FAHD2A: variants seen among roughly 807,000 people sequenced by gnomAD.
The protein encoded by FAHD2A is oxaloacetate tautomerase FAHD2A, mitochondrial.
FAHD2A carries 27 observed loss-of-function variants against 33.4 expected under a neutral mutation model. The ratio of observed to expected loss-of-function variants is 0.81; its 90% confidence interval spans 0.60 to 1.11. FAHD2A has a LOEUF of 1.11. Ranked by LOEUF, FAHD2A falls within the 50% of genes most tolerant of loss-of-function variation. FAHD2A has a pLI of 0.00. For missense variants in FAHD2A, 296 were observed against 395.0 expected (o/e 0.75, Z 2.12); for synonymous variants, 130 against 153.3 (o/e 0.85, Z 1.12).
intron 3 of FAHD2A, 137 bp from the exon 4 acceptor site, chr2:95,410,390 G>A (rs1480037656): frequency 8.6e-6 from 10 of 1,159,168 alleles, no homozygotes; most frequent in African/African-American, 1.5e-5. Context: ...GCTCTGGTTC[G>A]TGGTGATGGC....
chr2:95,408,689 G>A (rs1682011003), intron 3 of FAHD2A, among the ~76,000 whole-genome samples: 1 of 152,184 alleles, frequency 6.6e-6, no homozygotes, highest in African/African-American at 2.4e-5. Flanking sequence ...ATCTCCCACC[G>A]GGTCCGTCCC....
intron 3 of FAHD2A, among the ~76,000 whole-genome samples, chr2:95,408,251 G>A (rs139500460): frequency 1.8e-4 from 27 of 151,976 alleles, no homozygotes; most frequent in African/African-American, 6.0e-4. Flanking sequence ...ATTCCCAATC[G>A]GAAGTACTGC....
At chr2:95,417,683 A>C (rs1010310559), downstream of FAHD2A, among the ~76,000 whole-genome samples, 2 of 152,060 alleles carry the variant, frequency 1.3e-5, no homozygotes, top group African/African-American at 4.8e-5. Flanking sequence ...CATGGTCAGG[A>C]GCATGATGAG....
Position 95,410,891 on chromosome 2 carries a change from G to A in FAHD2A, c.550G>A (p.Gly184Ser), listed in dbSNP as rs780676808. ...KATDAMAHVAGFTVAHDVSAR... is the reference protein window; with the variant it reads ...KATDAMAHVASFTVAHDVSAR... ...CACAGATGCTATGGCCCACGTGGCC[G>A]GCTTCACTGTGGCTCATGACGTGAG... Residue 184 changes from glycine (G) to serine (S), a missense_variant, in exon 5 of 8, where the codon GGC (glycine) becomes AGC (serine). Transcript: ENST00000233379. The A allele has an allele frequency of 1.9e-5, 30 of 1,613,964 alleles. No individual in the cohort carries two copies. The highest frequency in any genetic ancestry group is 4.5e-5 in the East Asian group (2 of 44,882).
At position 95,415,430 on chromosome 2, in the gene FAHD2A, A is replaced by C. The variant is rs1007444921; in HGVS notation, c.*2473A>C. On this transcript the variant is annotated 3_prime_UTR_variant, in exon 8 of 8. Transcript: ENST00000233379. ...GAAAGCAAATGAAATGTTAAAAAAAAAAAAAAAGCAATACTTGCATTCTCA... is the reference window on the plus strand; with the variant it reads ...GAAAGCAAATGAAATGTTAAAAAAACAAAAAAAGCAATACTTGCATTCTCA... 1 of 152,568 alleles carries C rather than the reference A, an allele frequency of 6.6e-6. No individual in the cohort carries two copies. Among genetic ancestry groups the C allele is most frequent in the Non-Finnish European group, 1.5e-5 (1 of 68,054 alleles). 9.5% of individuals were successfully genotyped at this position (152,568 alleles called of 1,614,324 possible). A position where few individuals can be genotyped will look rare whatever the true frequency, so the allele number is the denominator to read the frequency against.
intron 3 of FAHD2A, 99 bp from the exon 4 acceptor site, chr2:95,410,428 T>C (rs1278249440): frequency 1.3e-6 from 2 of 1,483,328 alleles, no homozygotes; most frequent in East Asian, 5.0e-5. Flanking sequence ...GAAGCCATAC[T>C]GACAAAGGTT....
chr2:95,408,528 CAAG>C (rs1272385150), intron 3 of FAHD2A, among the ~76,000 whole-genome samples: 1 of 152,130 alleles, frequency 6.6e-6, no homozygotes, highest in Non-Finnish European at 1.5e-5. Context: ...TGGCAGAAGG[CAAG>C]GAGGAGCAAG....
At position 95,415,260 on chromosome 2, in the gene FAHD2A, G is replaced by GC. The variant is rs1018285345; in HGVS notation, c.*2304dup. The stretch of plus-strand genomic sequence containing the variant: ...CACCAAGCACTGCATGTAGGACAGG[G>GC]CACAGTTTGGAGGCCTTGGTCCAGC... On this transcript the variant is annotated 3_prime_UTR_variant, in exon 8 of 8. Coordinates refer to ENST00000233379, the MANE Select transcript of FAHD2A (RefSeq NM_016044.3). 1 of 152,048 alleles carries GC rather than the reference G, an allele frequency of 6.6e-6. No individual in the cohort carries two copies. 9.4% of individuals were successfully genotyped at this position (152,048 alleles called of 1,614,324 possible).
rs140892236 is a variant in FAHD2A at position 95,410,868 on chromosome 2, C to G, written c.527C>G (p.Thr176Arg). The G allele has an allele frequency of 7.4e-6, 12 of 1,613,826 alleles. No homozygotes were observed. Among genetic ancestry groups the G allele is most frequent in the Non-Finnish European group, 1.0e-5 (12 of 1,179,826 alleles). The change falls in exon 5 of 8, where the codon ACA becomes AGA. Residue 176 changes from threonine (T) to arginine (R), a missense_variant. Coordinates refer to ENST00000233379, the MANE Select transcript of FAHD2A (RefSeq NM_016044.3). ...CCAAATCCCCTGCCCCCATAGGCCA[C>G]AGATGCTATGGCCCACGTGGCCGGC... ...IGKKGKHIKA[T>R]DAMAHVAGFT...
At chr2:95,418,945 C>T (rs997772873), downstream of FAHD2A, among the ~76,000 whole-genome samples, 5 of 151,908 alleles carry the variant, frequency 3.3e-5, no homozygotes, top group African/African-American at 4.8e-5. Flanking sequence ...GACTTGTGTC[C>T]TTGTAAGAGA....
chr2:95,414,118 C>A lies in FAHD2A; in HGVS notation c.*1161C>A, dbSNP rs1371962926. The A allele has an allele frequency of 6.7e-7, 1 of 1,484,294 alleles. No individual in the cohort carries two copies. Among genetic ancestry groups the A allele is most frequent in the African/African-American group, 1.4e-5 (1 of 71,898 alleles). 91.9% of individuals were successfully genotyped at this position (1,484,294 alleles called of 1,614,324 possible). On this transcript the variant is annotated 3_prime_UTR_variant, in exon 8 of 8. Coordinates refer to ENST00000233379, the MANE Select transcript of FAHD2A (RefSeq NM_016044.3). ...TAAAGAAGCCCAGGGAGGGATAGAT[C>A]TCCGACTGGACAGAAGACTACTCTG...
chr2:95,404,578 G>A (rs1231520340), intron 1 of FAHD2A, among the ~76,000 whole-genome samples: 2 of 152,168 alleles, frequency 1.3e-5, no homozygotes, highest in Non-Finnish European at 2.9e-5. Context: ...TATCACGCAT[G>A]AGCCACTACA....
intron 1 of FAHD2A, among the ~76,000 whole-genome samples, chr2:95,404,711 T>C (rs1486959472): frequency 1.3e-5 from 2 of 152,226 alleles, no homozygotes; most frequent in Non-Finnish European, 2.9e-5. Flanking sequence ...AGAAAGTCAC[T>C]GAGAGCCTTC....
chr2:95,411,926 C>T (rs1391905670), intron 5 of FAHD2A, among the ~76,000 whole-genome samples: 1 of 152,190 alleles, frequency 6.6e-6, no homozygotes, highest in Non-Finnish European at 1.5e-5. Context: ...GCTGGGACTA[C>T]AGGCACGCAC....
At chr2:95,420,578 G>A (rs1308894449), downstream of FAHD2A, among the ~76,000 whole-genome samples, 2 of 151,570 alleles carry the variant, frequency 1.3e-5, no homozygotes, top group Non-Finnish European at 1.5e-5. Flanking sequence ...GGCACCTAAC[G>A]AGAGAAAATA....
At chr2:95,407,275 A>G (rs1025064572) in intron 3 of FAHD2A, 118 bp downstream of exon 3, 3 of 1,427,278 alleles carry the variant, frequency 2.1e-6, no homozygotes, top group African/African-American at 1.4e-5. Context: ...CAGAAACTCT[A>G]CAGGATTGTA....
chr2:95,420,657 G>GA (rs1025416291), downstream of FAHD2A, among the ~76,000 whole-genome samples: 21 of 151,570 alleles, frequency 1.4e-4, no homozygotes, highest in African/African-American at 4.9e-4. Context: ...GATAAAAAAA[G>GA]AAAAACAGGT....
At position 95,414,176 on chromosome 2, in the gene FAHD2A, T is replaced by G; in HGVS notation, c.*1219T>G. ...CCTTCCTAGAGTTGGGTTGTCACTG[T>G]CCGGCAGGGGGCAGCAGCCACCAGC... On this transcript the variant is annotated 3_prime_UTR_variant, in exon 8 of 8. Coordinates refer to ENST00000233379, the MANE Select transcript of FAHD2A (RefSeq NM_016044.3). 6.3e-7 allele frequency: 1 copy of G among 1,576,740 alleles called. No homozygotes were observed.
intron 1 of FAHD2A, among the ~76,000 whole-genome samples, chr2:95,403,379 C>A (rs1267425792): frequency 6.6e-6 from 1 of 152,170 alleles, no homozygotes; most frequent in Non-Finnish European, 1.5e-5. Context: ...AGGGAACAGT[C>A]AGTGGGGCCT....
Sources: allele counts gnomAD v4.1 joint callset (sites outside exome capture counted in the v4.1 genomes callset), GRCh38; gene constraint gnomAD v4.1.1; transcripts MANE v1.5; gene names NCBI Gene and HGNC (gene_info 2026-07-23, HGNC 2026-07-21).